The following NCR1 variants were observed in gnomAD, a reference collection of about 807,000 sequenced individuals.
NCR1 encodes the protein NK cell-activating receptor.
NCR1 carries 30 observed loss-of-function variants against 32.5 expected under a neutral mutation model. The ratio of observed to expected loss-of-function variants is 0.92; its 90% CI spans 0.69 to 1.25. NCR1 has a LOEUF of 1.25. Among genes scored for constraint, NCR1 ranks in the 50% most tolerant of loss-of-function variants. NCR1 has a pLI of 0.00. For synonymous variants in NCR1, 169 were observed against 143.4 expected (o/e 1.18, Z -1.28); for missense variants, 369 against 380.7 (o/e 0.97, Z 0.26).
At chr19:54,930,461 C>CA in the NCR1 span, 6 of 1,476,232 alleles carry the variant, frequency 4.1e-6, no homozygotes, top group Non-Finnish European at 5.7e-6. Context: ...GACCCTGTCT[C>CA]AAAAAAAGAA....
At chr19:54,927,571 AAAAAC>A in the NCR1 span, 72 of 1,559,694 alleles carry the variant, frequency 4.6e-5, no homozygotes, top group East Asian at 7.1e-5. Flanking sequence ...AACAAAAACA[AAAAAC>A]AAAACAAAAC....
rs1306673995 is a variant in NCR1, at chr19:54,909,943, A to G, written c.635-75A>G. The G allele has an allele frequency of 1.2e-4, 161 of 1,327,272 alleles. 3 individuals are homozygous for G. The highest frequency in any genetic ancestry group is 1.5e-4 in the Non-Finnish European group (146 of 961,126). 82.2% of individuals were successfully genotyped at this position (1,327,272 alleles called of 1,614,324 possible). A position where few individuals can be genotyped will look rare whatever the true frequency, so the allele number is the denominator to read the frequency against. ...GAGCAAGACTCCATCTCAAAAAAAA[A>G]AAAAAAAAAAAAAGAATGGCAAGAC... On this transcript the variant is annotated intron_variant, in intron 4 of 6. Transcript: ENST00000291890.
chr19:54,907,473 A>G (rs922196459), intron 3 of NCR1, among the ~76,000 whole-genome samples: 1 of 113,952 alleles, frequency 8.8e-6, no homozygotes, highest in Non-Finnish European at 1.8e-5. Flanking sequence ...TCTAAAAAAA[A>G]AAAAAAATTA....
At chr19:54,936,490 C>T in the NCR1 span, 3 of 1,377,060 alleles carry the variant, frequency 2.2e-6, no homozygotes, top group Non-Finnish European at 3.1e-6. Context: ...TGTGTGGAGG[C>T]ATGTATAAAC....
At chr19:54,905,832 T>C (rs2067567377), upstream of NCR1, among the ~76,000 whole-genome samples, 1 of 152,252 alleles carries the variant, frequency 6.6e-6, no homozygotes, top group Non-Finnish European at 1.5e-5. Context: ...TATGTTTTTA[T>C]ACGATTCTCA....
the NCR1 span, chr19:54,934,709 C>G: frequency 6.8e-7 from 1 of 1,471,852 alleles, no homozygotes; most frequent in Non-Finnish European, 9.2e-7. This position sits in a 1 kb window ranked among gnomAD's most constrained non-coding sequence, Gnocchi z 6.7. Context: ...AGAGTATACC[C>G]TATCAGCTTT....
the NCR1 span, among the ~76,000 whole-genome samples, chr19:54,927,283 A>C: frequency 6.6e-6 from 1 of 151,568 alleles, no homozygotes; most frequent in East Asian, 1.9e-4. Flanking sequence ...TGGGAGGCCA[A>C]GGTGGGAGAA....
In NCR1 at chr19:54,906,557, C is replaced by T; in HGVS notation, c.105C>T (p.Pro35=). The T allele has an allele frequency of 6.2e-7, 1 of 1,612,078 alleles. No homozygotes were observed. The highest frequency in any genetic ancestry group is 8.5e-7 in the Non-Finnish European group (1 of 1,180,022). ...CAAAACCGTTCATCTGGGCCGAGCC[C>T]CATTTCATGGTTCCAAAGGAAAAGC... ...TLPKPFIWAE[P]HFMVPKEKQV... is the part of the protein sequence containing the mutation. Residue 35 remains proline, a synonymous_variant, in exon 3 of 7, where the codon CCC becomes CCT. Coordinates refer to ENST00000291890, the MANE Select transcript of NCR1 (RefSeq NM_004829.7).
chr19:54,934,700 G>A, the NCR1 span: 1 of 1,526,162 alleles, frequency 6.6e-7, no homozygotes, highest in South Asian at 1.2e-5. The surrounding 1 kb of genome is among the most constrained non-coding windows in gnomAD (Gnocchi z 6.7). Context: ...TGGGAGGACA[G>A]AGTATACCCT....
rs2067597104 is a variant in NCR1 at position 54,906,182 on chromosome 19, T to G, written c.-6T>G. 2 of 1,614,044 alleles carry G rather than the reference T, an allele frequency of 1.2e-6. No homozygotes were observed. Among genetic ancestry groups the G allele is most frequent in the South Asian group, 1.1e-5 (1 of 91,088 alleles). On this transcript the variant is annotated 5_prime_UTR_variant, in exon 1 of 7. Coordinates refer to ENST00000291890, the MANE Select transcript of NCR1 (RefSeq NM_004829.7). ...TGCTCAGCACTAGGCCGGCAGAATC[T>G]GAGCGATGTCTTCCACACTCCCTGC...
At chr19:54,910,291 G>C (rs1482003472) in intron 5 of NCR1, among the ~76,000 whole-genome samples, 2 of 152,026 alleles carry the variant, frequency 1.3e-5, no homozygotes, top group East Asian at 3.9e-4. Context: ...CAAAACTTAG[G>C]CTGGGCATCA....
At chr19:54,903,860 C>G (rs1438853699), upstream of NCR1, among the ~76,000 whole-genome samples, 4 of 151,164 alleles carry the variant, frequency 2.6e-5, no homozygotes, top group African/African-American at 9.7e-5. Context: ...TGTGGTGGCT[C>G]ACACCTGTAA....
At chr19:54,917,448 G>C (rs937807489), downstream of NCR1, among the ~76,000 whole-genome samples, 2 of 152,010 alleles carry the variant, frequency 1.3e-5, no homozygotes, top group Non-Finnish European at 1.5e-5. Context: ...GCCCCCCAAG[G>C]AGCTGGGACT....
At chr19:54,936,244 G>C in the NCR1 span, 1 of 1,608,184 alleles carries the variant, frequency 6.2e-7, no homozygotes. Flanking sequence ...GGGGAGAGCC[G>C]TGACCGTGAG....
downstream of NCR1, among the ~76,000 whole-genome samples, chr19:54,915,512 C>T (rs1018046548): frequency 1.3e-5 from 2 of 152,058 alleles, no homozygotes; most frequent in African/African-American, 2.4e-5. Context: ...ATTAGCCAGG[C>T]GCAGTGGCTT....
At chr19:54,927,825 C>G in the NCR1 span, 1 of 1,562,900 alleles carries the variant, frequency 6.4e-7, no homozygotes, top group Non-Finnish European at 8.8e-7. Context: ...CAGGTAGTGG[C>G]TCAAGCGTGT....
chr19:54,903,330 A>G (rs1217310385), upstream of NCR1, among the ~76,000 whole-genome samples: 1 of 137,318 alleles, frequency 7.3e-6, no homozygotes, highest in Non-Finnish European at 1.5e-5. Flanking sequence ...GTATATATAC[A>G]TGTATGTATA....
rs1450448258 is a variant in NCR1, at chr19:54,906,528, C to A, written c.76C>A (p.Leu26Ile). 3 of 1,606,964 alleles carry A rather than the reference C, an allele frequency of 1.9e-6. No individual in the cohort carries two copies. The highest frequency in any genetic ancestry group is 1.1e-5 in the South Asian group (1 of 91,084). The change falls in exon 3 of 7, where the codon CTC becomes ATC. Residue 26 changes from leucine (L) to isoleucine (I), a missense_variant. Leu to Ile is a conservative substitution (Grantham distance 5). Coordinates refer to ENST00000291890, the MANE Select transcript of NCR1 (RefSeq NM_004829.7). ...SQRISAQQQT[L>I]PKPFIWAEPH... Reference sequence around the variant, plus strand: ...AGCCTCTGATTCCCTTCCAGAGACTCTCCCAAAACCGTTCATCTGGGCCGA... The same window carrying A: ...AGCCTCTGATTCCCTTCCAGAGACTATCCCAAAACCGTTCATCTGGGCCGA...
Position 54,913,054 on chromosome 19 carries a change from T to TA in NCR1, c.*183_*184insA. On this transcript the variant is annotated 3_prime_UTR_variant, in exon 7 of 7. Transcript: ENST00000291890. ...GGGTGGGAGAACTACATGCTAAATT[T>TA]CTTTTTTTTTTTTTTTGAGACAGAG... The TA allele has an allele frequency of 4.0e-6, 2 of 498,522 alleles. No homozygotes were observed. The highest frequency in any genetic ancestry group is 6.5e-6 in the Non-Finnish European group (2 of 308,938). 30.9% of individuals were successfully genotyped at this position (498,522 alleles called of 1,614,324 possible).
Sources: allele counts gnomAD v4.1 joint callset (sites outside exome capture counted in the v4.1 genomes callset), GRCh38; gene constraint gnomAD v4.1.1; non-coding constraint Gnocchi (gnomAD v3.1); transcripts MANE v1.5; gene names NCBI Gene and HGNC (gene_info 2026-07-23, HGNC 2026-07-21).